DOCK9: variants seen among roughly 807,000 people sequenced by gnomAD.
DOCK9 encodes dedicator of cytokinesis 9, also known as dedicator of cytokinesis protein 9.
A neutral mutation model predicts 263.3 loss-of-function variants in DOCK9; 89 were observed. The observed-to-expected ratio is 0.34, with a 90% CI of 0.28 to 0.40. The LOEUF (loss-of-function observed/expected upper bound fraction) is 0.40. Among genes scored for constraint, DOCK9 ranks in the 10% least tolerant of loss-of-function variants. The probability of loss-of-function intolerance (pLI) is 1.00; values close to 1 mark genes in which losing one functional copy is unlikely to be tolerated. For synonymous variants in DOCK9, 976 were observed against 973.1 expected (o/e 1.00, Z -0.06); for missense variants, 2,140 against 2,603.4 (o/e 0.82, Z 3.87).
chr13:98,944,650 C>G (rs2056470265), intron 2 of DOCK9, among the ~76,000 whole-genome samples: 2 of 152,138 alleles, frequency 1.3e-5, no homozygotes, highest in Non-Finnish European at 2.9e-5. Context: ...CACAGCTGCC[C>G]ACACACCCTC....
chr13:99,000,334 C>T (rs1377244479), intron 1 of DOCK9, among the ~76,000 whole-genome samples: 2 of 152,194 alleles, frequency 1.3e-5, no homozygotes, highest in South Asian at 2.1e-4. Context: ...TTCCTGTCCT[C>T]TCTTCACAAG....
rs150406506 is a variant in DOCK9 at position 99,050,820 on chromosome 13, C to T, written c.129+35403G>A. 8.9e-4 allele frequency among the ~76,000 whole-genome samples: 135 copies of T among 152,322 alleles called. No homozygotes were observed. The East Asian group carries it at 0.02, about 23-fold the overall frequency. ...CCCAGCCCACTTTAATGTGTCGTTG[C>T]TCTAAAACCAGCCTCCACTTCATAT... On this transcript the variant is annotated intron_variant, in intron 1 of 32. Transcript: ENST00000427887.
intron 47 of DOCK9, chr13:98,809,148 A>G: frequency 6.5e-7 from 1 of 1,537,118 alleles, no homozygotes; most frequent in East Asian, 2.5e-5. Flanking sequence ...GTAATAAAGA[A>G]AAGACAGGAA....
At chr13:98,807,381 G>C (rs1264525286) in intron 48 of DOCK9, among the ~76,000 whole-genome samples, 2 of 152,156 alleles carry the variant, frequency 1.3e-5, no homozygotes, top group African/African-American at 2.4e-5. Flanking sequence ...GCCTCATTCT[G>C]TCAGAGTTTC....
At chr13:98,869,970 G>A (rs886922600) in intron 27 of DOCK9, among the ~76,000 whole-genome samples, 8 of 152,220 alleles carry the variant, frequency 5.3e-5, no homozygotes, top group African/African-American at 1.9e-4. Flanking sequence ...GAATGATCTT[G>A]GGGAACTAGC....
intron 1 of DOCK9, among the ~76,000 whole-genome samples, chr13:99,070,953 C>A (rs1373676627): frequency 6.6e-6 from 1 of 151,952 alleles, no homozygotes; most frequent in African/African-American, 2.4e-5. Context: ...TTATTTTTTT[C>A]ATAAAAAAGT....
intron 14 of DOCK9, 56 bp from the exon 15 acceptor site, chr13:98,897,666 C>G (rs548667179): frequency 6.3e-7 from 1 of 1,596,932 alleles, no homozygotes; most frequent in East Asian, 2.2e-5. Context: ...AAAATCAATT[C>G]ATTATTTAAG....
chr13:98,986,352 T>C (rs1421864122), intron 1 of DOCK9, among the ~76,000 whole-genome samples: 1 of 152,212 alleles, frequency 6.6e-6, no homozygotes, highest in Non-Finnish European at 1.5e-5. Context: ...CTATCTAGCA[T>C]CGGGGGTGGA....
At chr13:99,029,260 G>A (rs572576574) in intron 1 of DOCK9, among the ~76,000 whole-genome samples, 3 of 152,238 alleles carry the variant, frequency 2.0e-5, no homozygotes, top group Admixed American at 6.5e-5. Context: ...CAGCTCTGTG[G>A]GGCCTCTCCT....
chr13:98,973,643 C>A (rs958319801), intron 1 of DOCK9, among the ~76,000 whole-genome samples: 7 of 152,206 alleles, frequency 4.6e-5, no homozygotes, highest in African/African-American at 1.7e-4. Context: ...GTCACCCAGC[C>A]TGGAGTCCAG....
At chr13:99,038,593 A>T (rs1181066728) in intron 1 of DOCK9, among the ~76,000 whole-genome samples, 1 of 152,120 alleles carries the variant, frequency 6.6e-6, no homozygotes, top group Non-Finnish European at 1.5e-5. Flanking sequence ...GGCATGAGCC[A>T]CCACGTCCGG....
At chr13:98,797,577 C>A in intron 50 of DOCK9, 88 bp from the exon 51 acceptor site, 5 of 1,174,144 alleles carry the variant, frequency 4.3e-6, no homozygotes, top group Non-Finnish European at 6.1e-6. Flanking sequence ...CACTAAAAAG[C>A]CCGTTCGCGT....
intron 30 of DOCK9, among the ~76,000 whole-genome samples, chr13:98,864,323 A>G (rs2093958410): frequency 6.6e-6 from 1 of 152,232 alleles, no homozygotes; most frequent in Non-Finnish European, 1.5e-5. Flanking sequence ...TCTACTTAGG[A>G]AGGGTACATA....
intron 43 of DOCK9, 130 bp from the exon 44 acceptor site, chr13:98,827,017 A>C: frequency 1.0e-5 from 6 of 601,078 alleles, no homozygotes; most frequent in Non-Finnish European, 1.7e-5. Context: ...AGTATTTCTA[A>C]TAGCTGATAT....
chr13:99,057,859 C>T (rs1243505192), intron 1 of DOCK9, among the ~76,000 whole-genome samples: 1 of 152,120 alleles, frequency 6.6e-6, no homozygotes, highest in East Asian at 1.9e-4. Flanking sequence ...TACTGTCATT[C>T]CCATTTATTT....
rs112869873 is a variant in DOCK9, at chr13:98,941,483, C to T, written c.244-11226G>A. Among the ~76,000 whole-genome samples, 10 of 152,238 alleles carry T rather than the reference C, an allele frequency of 6.6e-5. No homozygotes were observed. In the East Asian group the frequency reaches 9.6e-4, roughly 15 times the overall value. On this transcript the variant is annotated intron_variant, in intron 2 of 52. Transcript: ENST00000682017. ...CAAATCCCTTAAATGGAAGAGCACA[C>T]GATTGTTTATTAAAATGCAGTAAAC...
chr13:98,923,377 A>G lies in DOCK9; in HGVS notation c.417-6T>C, dbSNP rs748898517. The G allele has an allele frequency of 3.8e-5, 62 of 1,613,408 alleles. No individual in the cohort carries two copies. The highest frequency in any genetic ancestry group is 5.2e-5 in the Non-Finnish European group (61 of 1,179,396). On this transcript the variant is annotated splice_polypyrimidine_tract_variant and splice_region_variant and intron_variant, in intron 4 of 52. Transcript: ENST00000682017. ...TATCCAACTTGACCACTTTGCTATAAAAACAACAAAGAAAATTTGTTTTAG... is the reference window on the plus strand; with the variant it reads ...TATCCAACTTGACCACTTTGCTATAGAAACAACAAAGAAAATTTGTTTTAG...
rs148679603 is a variant in DOCK9, at chr13:98,802,921, A to C, written c.5725+2078T>G. Among the ~76,000 whole-genome samples, 4 of 152,160 alleles carry C rather than the reference A, an allele frequency of 2.6e-5. No individual in the cohort carries two copies. The East Asian group carries it at 7.8e-4, about 30-fold the overall frequency. ...AACAGCGGATGAAATCTAGCAAAAAATGAAGAACGCTCTTTCCCTTGCTTC... is the reference window on the plus strand; with the variant it reads ...AACAGCGGATGAAATCTAGCAAAAACTGAAGAACGCTCTTTCCCTTGCTTC... On this transcript the variant is annotated intron_variant, in intron 49 of 52. Coordinates refer to ENST00000682017, the MANE Select transcript of DOCK9 (RefSeq NM_001366683.2).
At chr13:99,073,418 T>C (rs1329736735) in intron 1 of DOCK9, among the ~76,000 whole-genome samples, 1 of 151,410 alleles carries the variant, frequency 6.6e-6, no homozygotes, top group Admixed American at 6.6e-5. Context: ...CTTCCTCCCT[T>C]ATGCTCAGGC....
Sources: allele counts gnomAD v4.1 joint callset (sites outside exome capture counted in the v4.1 genomes callset), GRCh38; gene constraint gnomAD v4.1.1; transcripts MANE v1.5; gene names NCBI Gene and HGNC (gene_info 2026-07-23, HGNC 2026-07-21).